ELMOD3: variants seen among roughly 807,000 people sequenced by gnomAD.
ELMOD3 encodes the protein ELMO domain containing 3, also known as ELMO domain-containing protein 3.
Under a neutral mutation model 47.4 loss-of-function variants are expected in ELMOD3, and 36 were observed. That is an observed-to-expected ratio of 0.76 (90% CI 0.58 to 1.00). The LOEUF is 1.00. Ranked by LOEUF, ELMOD3 falls within the 50% of genes least tolerant of loss-of-function variation. The pLI is 0.00. For synonymous variants in ELMOD3, 149 were observed against 183.5 expected (o/e 0.81, Z 1.52); for missense variants, 404 against 463.8 (o/e 0.87, Z 1.18).
rs567347815 is a variant in ELMOD3 at position 85,386,895 on chromosome 2, C to T, written c.739-2856C>T. Among the ~76,000 whole-genome samples the T allele has an allele frequency of 3.9e-5, 6 of 152,152 alleles. No individual in the cohort carries two copies. The East Asian group carries it at 9.8e-4, about 25-fold the overall frequency. On this transcript the variant is annotated intron_variant, in intron 11 of 13. Coordinates refer to ENST00000409013, the MANE Select transcript of ELMOD3 (RefSeq NM_001135022.2). ...GTGCATGCCTGTAATCCCAGCTACTCGGGAGGCTAAGGCAGGAGAATCGCT... is the reference window on the plus strand; with the variant it reads ...GTGCATGCCTGTAATCCCAGCTACTTGGGAGGCTAAGGCAGGAGAATCGCT...
At chr2:85,374,757 A>G (rs947216775) in intron 10 of ELMOD3, among the ~76,000 whole-genome samples, 5 of 152,114 alleles carry the variant, frequency 3.3e-5, no homozygotes, top group African/African-American at 1.2e-4. Flanking sequence ...AGCTGCAGTG[A>G]GCTGTGATAG....
chr2:85,386,069 G>A (rs1685897977), intron 11 of ELMOD3, among the ~76,000 whole-genome samples: 1 of 152,198 alleles, frequency 6.6e-6, no homozygotes, highest in Non-Finnish European at 1.5e-5. Flanking sequence ...CAGATGCTTA[G>A]ACTCTCCCCA....
At chr2:85,357,273 G>A (rs1429447613) in intron 4 of ELMOD3, 21 bp downstream of exon 4, 3 of 1,526,006 alleles carry the variant, frequency 2.0e-6, no homozygotes, top group South Asian at 1.1e-5. Context: ...ACTCTTATTT[G>A]GGAAAGGTGG....
chr2:85,363,942 A>G (rs1684161527), intron 6 of ELMOD3, among the ~76,000 whole-genome samples: 1 of 152,140 alleles, frequency 6.6e-6, no homozygotes, highest in African/African-American at 2.4e-5. Flanking sequence ...ACACAGAGCC[A>G]AACCACATCA....
chr2:85,381,386 G>A (rs1685529653), intron 11 of ELMOD3, among the ~76,000 whole-genome samples: 1 of 152,188 alleles, frequency 6.6e-6, no homozygotes, highest in Non-Finnish European at 1.5e-5. Flanking sequence ...GCGGAGACTT[G>A]ATTTTTCAAT....
Position 85,380,865 on chromosome 2 carries a change from A to G in ELMOD3, c.738+3391A>G, listed in dbSNP as rs540686859. Among the ~76,000 whole-genome samples the G allele has an allele frequency of 4.6e-5, 7 of 152,274 alleles. No individual in the cohort carries two copies. In the South Asian group the frequency reaches 1.2e-3, roughly 27 times the overall value. ...TAAAACCACCTTCTAAAGAGGACCAAACAACACAACAATTGTCTGTGGATG... is the reference window on the plus strand; with the variant it reads ...TAAAACCACCTTCTAAAGAGGACCAGACAACACAACAATTGTCTGTGGATG... On this transcript the variant is annotated intron_variant, in intron 11 of 13. Coordinates refer to ENST00000409013, the MANE Select transcript of ELMOD3 (RefSeq NM_001135022.2).
chr2:85,371,210 G>A lies in ELMOD3; in HGVS notation c.484+1G>A, dbSNP rs200710196. ...GACTTGGTCCTGACCATTGCTCAGT[G>A]TGAGTGCAATGCGAGCCCACAGGGC... On this transcript the variant is annotated splice_donor_variant, in intron 9 of 13. Coordinates refer to ENST00000409013, the MANE Select transcript of ELMOD3 (RefSeq NM_001135022.2). LOFTEE classifies it high-confidence loss of function. 6.2e-7 allele frequency: 1 copy of A among 1,614,254 alleles called. No individual in the cohort carries two copies. Among genetic ancestry groups the A allele is most frequent in the East Asian group, 2.2e-5 (1 of 44,888 alleles).
At chr2:85,379,986 T>G (rs1373081699) in intron 11 of ELMOD3, among the ~76,000 whole-genome samples, 2 of 152,206 alleles carry the variant, frequency 1.3e-5, no homozygotes, top group Non-Finnish European at 2.9e-5. Flanking sequence ...TCAGGGACTG[T>G]GTACACAAAA....
intron 11 of ELMOD3, among the ~76,000 whole-genome samples, chr2:85,383,427 AAAT>A (rs1388581398): frequency 6.6e-6 from 1 of 152,048 alleles, no homozygotes; most frequent in Non-Finnish European, 1.5e-5. Flanking sequence ...CTGTTTCAAA[AAAT>A]AAAAATAAAA....
chr2:85,355,475 C>T (rs923607127), intron 2 of ELMOD3, 80 bp from the exon 3 acceptor site: 1 of 152,160 alleles, frequency 6.6e-6, no homozygotes, highest in African/African-American at 2.4e-5. Flanking sequence ...AGGCCGTTTC[C>T]TTAGGTCCAA....
intron 13 of ELMOD3, 146 bp downstream of exon 13, chr2:85,390,411 C>T: frequency 6.2e-7 from 1 of 1,614,182 alleles, no homozygotes; most frequent in Non-Finnish European, 8.5e-7. Context: ...TCTCCATCAC[C>T]CACCCCCTGG....
rs577605748 is a variant in ELMOD3, at chr2:85,370,249, A to G, written c.360+419A>G. 2.0e-5 allele frequency among the ~76,000 whole-genome samples: 3 copies of G among 151,920 alleles called. No individual in the cohort carries two copies. In the South Asian group the frequency reaches 6.2e-4, roughly 32 times the overall value. ...GATATAAGCTGGAAAAAGAAGGAAT[A>G]TTTGGGGGAATAAACGCTAGGGGTG... On this transcript the variant is annotated intron_variant, in intron 8 of 13. Transcript: ENST00000409013.
intron 10 of ELMOD3, chr2:85,372,380 G>A (rs1010305973): frequency 6.6e-6 from 1 of 152,054 alleles, no homozygotes; most frequent in African/African-American, 2.4e-5. Context: ...AGATGAAAGT[G>A]ACAGGAGGAA....
At chr2:85,358,340 T>C (rs1413348361) in intron 4 of ELMOD3, among the ~76,000 whole-genome samples, 1 of 152,008 alleles carries the variant, frequency 6.6e-6, no homozygotes, top group Non-Finnish European at 1.5e-5. Flanking sequence ...TGCAGGCCTT[T>C]TGCAGAGGAA....
chr2:85,381,843 C>T (rs1011434651), intron 11 of ELMOD3, among the ~76,000 whole-genome samples: 15 of 152,032 alleles, frequency 9.9e-5, no homozygotes, highest in South Asian at 4.1e-4. Flanking sequence ...TTGGGCTGGG[C>T]GCGGTGGCTC....
At chr2:85,361,809 T>C (rs934073932) in intron 4 of ELMOD3, among the ~76,000 whole-genome samples, 2 of 152,108 alleles carry the variant, frequency 1.3e-5, no homozygotes, top group African/African-American at 4.8e-5. Flanking sequence ...CAGGCGCCTG[T>C]AGTCCCAGCT....
chr2:85,359,179 A>C (rs1187469870), intron 4 of ELMOD3, among the ~76,000 whole-genome samples: 1 of 152,160 alleles, frequency 6.6e-6, no homozygotes, highest in Non-Finnish European at 1.5e-5. Flanking sequence ...AAATGTAAAC[A>C]TGTCGGTTTT....
rs1035274955 is a variant in ELMOD3 at position 85,371,531 on chromosome 2, T to C, written c.576T>C (p.His192=). The C allele has an allele frequency of 9.3e-6, 15 of 1,614,200 alleles. No homozygotes were observed. Among genetic ancestry groups the C allele is most frequent in the Middle Eastern group, 1.7e-4 (1 of 6,060 alleles). ...LTGSKFDCAL[H]GNHWEDLGFQ... The stretch of plus-strand genomic sequence containing the variant: ...GCTCCAAGTTTGACTGTGCCCTTCA[T>C]GGAAACCACTGGGAGGACCTGGGCT... The change falls in exon 10 of 14, where the codon CAT becomes CAC. Residue 192 remains histidine (H), a synonymous_variant. Coordinates refer to ENST00000409013, the MANE Select transcript of ELMOD3 (RefSeq NM_001135022.2).
intron 11 of ELMOD3, among the ~76,000 whole-genome samples, chr2:85,377,735 A>G (rs1393268861): frequency 6.6e-6 from 1 of 152,240 alleles, no homozygotes; most frequent in Non-Finnish European, 1.5e-5. Context: ...TGCCGTAAAG[A>G]AATAGCACTT....
Sources: allele counts gnomAD v4.1 joint callset (sites outside exome capture counted in the v4.1 genomes callset), GRCh38; gene constraint gnomAD v4.1.1; transcripts MANE v1.5; gene names NCBI Gene and HGNC (gene_info 2026-07-23, HGNC 2026-07-21).